The following SLC4A4 variants were observed in gnomAD, a reference collection of about 807,000 sequenced individuals.
SLC4A4 encodes the protein electrogenic sodium bicarbonate cotransporter 1.
A neutral mutation model predicts 111.5 loss-of-function variants in SLC4A4; 27 were observed. The ratio of observed to expected loss-of-function variants is 0.24; its 90% CI spans 0.18 to 0.33. The LOEUF (loss-of-function observed/expected upper bound fraction) is 0.33, where lower values mean the gene tolerates loss of function less well. Ranked by LOEUF, SLC4A4 falls within the 10% of genes least tolerant of loss-of-function variation. The pLI, the probability that SLC4A4 is intolerant of heterozygous loss-of-function variation, is 1.00. For synonymous variants in SLC4A4, 443 were observed against 463.4 expected (o/e 0.96, Z 0.57); for missense variants, 909 against 1,315.5 (o/e 0.69, Z 4.78).
At chr4:71,083,298 T>G (rs1742045180) in intron 1 of SLC4A4, among the ~76,000 whole-genome samples, 1 of 151,574 alleles carries the variant, frequency 6.6e-6, no homozygotes. Context: ...TAAACTTAAG[T>G]TTTTTAGTTT....
chr4:71,437,642 C>A, intron 7 of SLC4A4: 1 of 508,932 alleles, frequency 2.0e-6, no homozygotes, highest in South Asian at 1.5e-5. Context: ...GCAAGTTTAT[C>A]ACCCAAACCT....
chr4:71,223,659 A>C (rs1012399244), intron 1 of SLC4A4, among the ~76,000 whole-genome samples: 1 of 152,112 alleles, frequency 6.6e-6, no homozygotes, highest in Middle Eastern at 3.2e-3. Context: ...AGTATCTGGC[A>C]CAAGAAAAGC....
intron 2 of SLC4A4, among the ~76,000 whole-genome samples, chr4:71,120,341 C>A (rs899142431): frequency 6.6e-6 from 1 of 152,146 alleles, no homozygotes; most frequent in Admixed American, 6.6e-5. Context: ...GATAATGCTT[C>A]ACTGTTTTCT....
intron 16 of SLC4A4, among the ~76,000 whole-genome samples, chr4:71,515,253 G>T (rs889814954): frequency 6.6e-6 from 1 of 151,804 alleles, no homozygotes; most frequent in Non-Finnish European, 1.5e-5. Flanking sequence ...TCAGAAGCAC[G>T]TTTAATTTCT....
intron 2 of SLC4A4, among the ~76,000 whole-genome samples, chr4:71,178,539 C>G (rs1212811346): frequency 6.6e-6 from 1 of 152,200 alleles, no homozygotes; most frequent in Non-Finnish European, 1.5e-5. Context: ...CACCATCCCA[C>G]AGAAATACAA....
At position 71,536,459 on chromosome 4, in the gene SLC4A4, T is replaced by TAC. The variant is rs1560597749; in HGVS notation, c.2442+2072_2442+2073insCA. ...ATTTAAGCATATATACATATATACA[T>TAC]ATATACATATATATATATATATATA... On this transcript the variant is annotated intron_variant, in intron 18 of 25. Transcript: ENST00000264485. Among the ~76,000 whole-genome samples, 12 of 51,300 alleles carry TAC rather than the reference T, an allele frequency of 2.3e-4. No homozygotes were observed. In the East Asian group the frequency reaches 5.2e-3, roughly 22 times the overall value. The allele number at this position is 51,300 out of a possible 152,430, so 33.7% of individuals were successfully genotyped here.
chr4:71,101,333 C>T (rs1032520546), intron 2 of SLC4A4, among the ~76,000 whole-genome samples: 1 of 152,050 alleles, frequency 6.6e-6, no homozygotes, highest in East Asian at 1.9e-4. Context: ...ATCATACTAC[C>T]CAAAGCAATT....
At chr4:71,522,166 G>A (rs1732998466) in intron 16 of SLC4A4, among the ~76,000 whole-genome samples, 1 of 152,180 alleles carries the variant, frequency 6.6e-6, no homozygotes, top group Admixed American at 6.5e-5. Context: ...TTTTAAAGGG[G>A]TGTATCAGTC....
intron 2 of SLC4A4, 90 bp from the exon 3 acceptor site, chr4:71,255,130 A>G: frequency 8.3e-7 from 1 of 1,198,596 alleles, no homozygotes; most frequent in Admixed American, 1.7e-5. Context: ...GAATTTATAG[A>G]CATTTTCTTC....
chr4:71,546,389 A>G lies in SLC4A4; in HGVS notation c.2482A>G (p.Ile828Val), dbSNP rs1243201660. The change falls in exon 19 of 26, where the codon ATC (isoleucine) becomes GTC (valine). Residue 828 changes from isoleucine (I) to valine (V), a missense_variant. Coordinates refer to ENST00000264485, the MANE Select transcript of SLC4A4 (RefSeq NM_001098484.3). ...TCACTTGGATCTCTTTTGGGTGGCC[A>G]TCCTCATGGTTATATGCTCCCTCAT... is the stretch of plus-strand genomic sequence containing the variant. ...GYHLDLFWVA[I>V]LMVICSLMAL... The G allele has an allele frequency of 2.5e-6, 4 of 1,612,910 alleles. No individual in the cohort carries two copies. Among genetic ancestry groups the G allele is most frequent in the Admixed American group, 1.7e-5 (1 of 59,932 alleles).
chr4:71,552,782 T>A (rs1298826771), intron 20 of SLC4A4, among the ~76,000 whole-genome samples: 3 of 151,910 alleles, frequency 2.0e-5, no homozygotes, highest in African/African-American at 7.2e-5. Context: ...TATGCCTGTA[T>A]GGTATACTTT....
intron 2 of SLC4A4, among the ~76,000 whole-genome samples, chr4:71,139,661 A>G (rs1048154637): frequency 1.3e-5 from 2 of 152,150 alleles, no homozygotes; most frequent in Admixed American, 6.5e-5. Flanking sequence ...TGCTCTGGCC[A>G]TTCACTTGCT....
chr4:71,272,638 A>G (rs1208372212), intron 3 of SLC4A4, among the ~76,000 whole-genome samples: 3 of 152,182 alleles, frequency 2.0e-5, no homozygotes, highest in Non-Finnish European at 2.9e-5. Context: ...ATTTTCCTAA[A>G]AAGGCAGTTG....
At chr4:71,342,702 A>G (rs1728990174) in intron 4 of SLC4A4, among the ~76,000 whole-genome samples, 1 of 152,148 alleles carries the variant, frequency 6.6e-6, no homozygotes, top group South Asian at 2.1e-4. Context: ...ACCATACGTT[A>G]TTTTACATAA....
intron 7 of SLC4A4, among the ~76,000 whole-genome samples, chr4:71,424,772 A>T (rs1722942504): frequency 6.6e-6 from 1 of 152,060 alleles, no homozygotes; most frequent in South Asian, 2.1e-4. Flanking sequence ...ATTCTCACTC[A>T]TAGGTGGGAA....
At chr4:71,178,762 T>G (rs1401099123) in intron 2 of SLC4A4, among the ~76,000 whole-genome samples, 1 of 152,172 alleles carries the variant, frequency 6.6e-6, no homozygotes, top group East Asian at 1.9e-4. Context: ...CACAGCCAAA[T>G]TCTACCAGAG....
intron 16 of SLC4A4, among the ~76,000 whole-genome samples, chr4:71,509,409 T>TA (rs1553924036): frequency 1.4e-5 from 1 of 73,604 alleles, no homozygotes; most frequent in East Asian, 7.9e-4. Flanking sequence ...TAGGGAGGGA[T>TA]TTTTTTTTTT....
chr4:71,488,573 G>T lies in SLC4A4; in HGVS notation c.1974+1555G>T, dbSNP rs996251175. ...ATAACCATCAACATAAACTACCAGG[G>T]TTAATTACTTCTATTTTATACATGA... On this transcript the variant is annotated intron_variant, in intron 15 of 25. Coordinates refer to ENST00000264485, the MANE Select transcript of SLC4A4 (RefSeq NM_001098484.3). 3.3e-5 allele frequency among the ~76,000 whole-genome samples: 5 copies of T among 151,716 alleles called. No homozygotes were observed. In the East Asian group the frequency reaches 7.8e-4, roughly 24 times the overall value.
At chr4:71,137,346 TC>T (rs1743873288) in intron 2 of SLC4A4, among the ~76,000 whole-genome samples, 1 of 152,184 alleles carries the variant, frequency 6.6e-6, no homozygotes, top group Non-Finnish European at 1.5e-5. Context: ...CCAAGAAACT[TC>T]TTGATCACTT....
Sources: gnomAD v4.1 joint callset for allele counts (sites outside exome capture counted in the v4.1 genomes callset) on GRCh38, gnomAD v4.1.1 for gene constraint, MANE v1.5 for transcripts, NCBI Gene and HGNC (gene_info 2026-07-23, HGNC 2026-07-21) for gene names.